The following TBCK variants were observed in gnomAD, a reference collection of about 807,000 sequenced individuals.
TBCK encodes the protein TBC domain-containing protein kinase-like protein.
Under a neutral mutation model 113.4 loss-of-function variants are expected in TBCK, and 99 were observed. That is an observed-to-expected ratio of 0.87 (90% CI 0.74 to 1.03). The LOEUF (loss-of-function observed/expected upper bound fraction) is 1.03. Ranked by LOEUF, TBCK falls within the 50% of genes least tolerant of loss-of-function variation. The pLI is 0.00. For missense variants in TBCK, 1,045 were observed against 1,061.3 expected (o/e 0.98, Z 0.21); for synonymous variants, 369 against 370.8 (o/e 1.00, Z 0.05).
intron 25 of TBCK, among the ~76,000 whole-genome samples, chr4:106,092,477 G>A (rs78874155): frequency 0.054 from 8,167 of 152,300 alleles, 487 homozygotes; most frequent in East Asian, 0.27. Context: ...GTCTTGGGCC[G>A]GGCAGGAGCC....
At chr4:106,284,115 C>T (rs1186821798) in intron 3 of TBCK, among the ~76,000 whole-genome samples, 3 of 152,042 alleles carry the variant, frequency 2.0e-5, no homozygotes, top group African/African-American at 7.2e-5. Context: ...ACATGTAAAA[C>T]AGGAAGAGAA....
At chr4:106,294,154 A>G (rs1766012112) in intron 3 of TBCK, among the ~76,000 whole-genome samples, 1 of 152,136 alleles carries the variant, frequency 6.6e-6, no homozygotes, top group African/African-American at 2.4e-5. Flanking sequence ...GAATACAAGT[A>G]TCCTATTTGA....
chr4:106,300,869 G>C (rs1766862102), intron 2 of TBCK, among the ~76,000 whole-genome samples: 1 of 152,170 alleles, frequency 6.6e-6, no homozygotes, highest in Non-Finnish European at 1.5e-5. Flanking sequence ...GAGAGGCTGA[G>C]ACGGGAGGAT....
chr4:106,098,063 T>C (rs1191764864), intron 24 of TBCK, among the ~76,000 whole-genome samples: 1 of 152,044 alleles, frequency 6.6e-6, no homozygotes, highest in Non-Finnish European at 1.5e-5. Flanking sequence ...AAAACAAGTA[T>C]ACATAGGACC....
intron 20 of TBCK, among the ~76,000 whole-genome samples, chr4:106,211,815 T>C (rs1756169154): frequency 6.6e-6 from 1 of 152,110 alleles, no homozygotes. Flanking sequence ...TTTTCCTATG[T>C]ATATACACAT....
intron 2 of TBCK, among the ~76,000 whole-genome samples, chr4:106,306,545 G>C (rs1257783491): frequency 6.6e-6 from 1 of 151,970 alleles, no homozygotes; most frequent in Non-Finnish European, 1.5e-5. Flanking sequence ...TGGGACCTGG[G>C]GTAATGAGTT....
At chr4:106,267,994 C>T (rs1358425772) in intron 3 of TBCK, among the ~76,000 whole-genome samples, 2 of 151,948 alleles carry the variant, frequency 1.3e-5, no homozygotes, top group African/African-American at 4.8e-5. Context: ...CACAATGAGA[C>T]ACTGCACAAC....
At chr4:106,134,026 CAAA>C (rs546489016) in intron 23 of TBCK, among the ~76,000 whole-genome samples, 2 of 118,608 alleles carry the variant, frequency 1.7e-5, no homozygotes, top group Non-Finnish European at 3.6e-5. Flanking sequence ...AAAACAAAAA[CAAA>C]AAAAAAAACA....
intron 20 of TBCK, among the ~76,000 whole-genome samples, chr4:106,198,167 G>A (rs1040378022): frequency 2.6e-5 from 4 of 152,092 alleles, no homozygotes; most frequent in African/African-American, 9.7e-5. Context: ...TTTTGACTCT[G>A]ATGATTACTG....
chr4:106,229,226 G>A (rs1579322020), intron 19 of TBCK, among the ~76,000 whole-genome samples: 1 of 151,840 alleles, frequency 6.6e-6, no homozygotes, highest in Non-Finnish European at 1.5e-5. Context: ...TGTCTCCTTT[G>A]CTGTTCAGAA....
In TBCK at chr4:106,269,519, T is replaced by C. The variant is rs527455326; in HGVS notation, c.267-7307A>G. 2.6e-5 allele frequency among the ~76,000 whole-genome samples: 4 copies of C among 152,212 alleles called. No individual in the cohort carries two copies. In the South Asian group the frequency reaches 8.3e-4, roughly 32 times the overall value. ...GGAATTGAAAAAGGAAATAACACAT[T>C]TCAGTACTGGGCACACATGTTTTAG... On this transcript the variant is annotated intron_variant, in intron 3 of 25. Transcript: ENST00000394708.
At chr4:106,077,541 A>G (rs1738354346) in intron 25 of TBCK, among the ~76,000 whole-genome samples, 1 of 152,224 alleles carries the variant, frequency 6.6e-6, no homozygotes, top group South Asian at 2.1e-4. Context: ...AACAAACATT[A>G]AAGCAACAAC....
Position 106,147,297 on chromosome 4 carries a change from C to T in TBCK, c.2235+23798G>A, listed in dbSNP as rs563417742. 7.2e-4 allele frequency among the ~76,000 whole-genome samples: 110 copies of T among 152,200 alleles called. 2 individuals are homozygous for T. The South Asian group carries it at 0.023, about 31-fold the overall frequency. Reference sequence around the variant, plus strand: ...TCCAGGGGATTTCAATTTACTTTGCCCAGATTGATCAGAGAAGTCACTATC... The same window carrying T: ...TCCAGGGGATTTCAATTTACTTTGCTCAGATTGATCAGAGAAGTCACTATC... On this transcript the variant is annotated intron_variant, in intron 23 of 25. Transcript: ENST00000394708.
At chr4:106,184,944 G>A (rs1160885007) in intron 22 of TBCK, among the ~76,000 whole-genome samples, 1 of 152,014 alleles carries the variant, frequency 6.6e-6, no homozygotes, top group Non-Finnish European at 1.5e-5. Context: ...TTGATGCAAA[G>A]TATCTGTATC....
At chr4:106,103,366 G>A (rs370505952) in intron 24 of TBCK, among the ~76,000 whole-genome samples, 3 of 152,160 alleles carry the variant, frequency 2.0e-5, no homozygotes, top group Non-Finnish European at 2.9e-5. Flanking sequence ...TATAACATCT[G>A]AATGAATATA....
chr4:106,176,348 C>T (rs1751669041), intron 22 of TBCK, among the ~76,000 whole-genome samples: 1 of 152,008 alleles, frequency 6.6e-6, no homozygotes, highest in South Asian at 2.1e-4. Context: ...TCTTCTTAGC[C>T]TCTAGCAACT....
intron 23 of TBCK, among the ~76,000 whole-genome samples, chr4:106,161,826 G>T (rs976099344): frequency 6.6e-6 from 1 of 151,952 alleles, no homozygotes; most frequent in Admixed American, 6.6e-5. Context: ...GGTAACTGTA[G>T]GATGCAAGTA....
At chr4:106,068,832 G>A (rs1368529950) in intron 25 of TBCK, among the ~76,000 whole-genome samples, 7 of 152,166 alleles carry the variant, frequency 4.6e-5, no homozygotes, top group Admixed American at 2.6e-4. Context: ...TTTAATGATC[G>A]CCATTCTAAC....
intron 15 of TBCK, 24 bp downstream of exon 15, chr4:106,235,245 T>C: frequency 6.6e-7 from 1 of 1,520,980 alleles, no homozygotes; most frequent in Non-Finnish European, 9.0e-7. Flanking sequence ...TTAATCAGCT[T>C]CTAACCTTTT....
Sources: allele counts gnomAD v4.1 joint callset (sites outside exome capture counted in the v4.1 genomes callset), GRCh38; gene constraint gnomAD v4.1.1; transcripts MANE v1.5; gene names NCBI Gene and HGNC (gene_info 2026-07-23, HGNC 2026-07-21).